SLC35D2: variants seen among roughly 807,000 people sequenced by gnomAD.
SLC35D2 encodes the protein solute carrier family 35 member D2.
A neutral mutation model predicts 41.8 loss-of-function variants in SLC35D2; 43 were observed. The ratio of observed to expected loss-of-function variants is 1.03; its 90% CI spans 0.81 to 1.33. The LOEUF is 1.33. Among genes scored for constraint, SLC35D2 ranks in the 40% most tolerant of loss-of-function variants. The pLI is 0.00. For missense variants in SLC35D2, 380 were observed against 408.4 expected (o/e 0.93, Z 0.60); for synonymous variants, 150 against 163.9 (o/e 0.92, Z 0.65).
chr9:96,358,279 C>T (rs1830123420), intron 4 of SLC35D2, among the ~76,000 whole-genome samples: 1 of 151,266 alleles, frequency 6.6e-6, no homozygotes, highest in African/African-American at 2.4e-5. Context: ...TTGTAGAGAC[C>T]TAAACGTAAA....
intron 2 of SLC35D2, among the ~76,000 whole-genome samples, chr9:96,365,808 T>C (rs868623458): frequency 6.6e-6 from 1 of 152,216 alleles, no homozygotes; most frequent in South Asian, 2.1e-4. Context: ...TTTAATGTCA[T>C]CTTTCATGCA....
chr9:96,364,742 C>G (rs189597033), intron 2 of SLC35D2, among the ~76,000 whole-genome samples, 192 bp from the exon 3 acceptor site: 1 of 152,072 alleles, frequency 6.6e-6, no homozygotes, highest in African/African-American at 2.4e-5. Flanking sequence ...CAGATTCCAT[C>G]AGAACTCCAG....
At chr9:96,343,015 C>T (rs535228396) in intron 8 of SLC35D2, among the ~76,000 whole-genome samples, 3 of 152,326 alleles carry the variant, frequency 2.0e-5, no homozygotes, top group East Asian at 1.9e-4. Flanking sequence ...TGTCCGGAGT[C>T]GAGTCTGTGG....
At chr9:96,319,326 G>T (rs1346463061), downstream of SLC35D2, among the ~76,000 whole-genome samples, 2 of 152,128 alleles carry the variant, frequency 1.3e-5, no homozygotes, top group African/African-American at 4.8e-5. Flanking sequence ...AATGGGGGTT[G>T]CCAGGGGCCG....
At chr9:96,315,766 A>T (rs893870090), downstream of SLC35D2, among the ~76,000 whole-genome samples, 2 of 152,008 alleles carry the variant, frequency 1.3e-5, no homozygotes, top group African/African-American at 4.8e-5. Context: ...CATGGACCAC[A>T]ATGGCAGTCT....
rs974934557 is a variant in SLC35D2 at position 96,355,964 on chromosome 9, T to C, written c.348-3855A>G. 1.2e-4 allele frequency among the ~76,000 whole-genome samples: 19 copies of C among 152,356 alleles called. 1 individual carries two copies. In the South Asian group the frequency reaches 3.9e-3, roughly 32 times the overall value. ...GCTACAGTTTGGATATCTGACCCTT[T>C]ATGCCTCATGTTAAAATTGGATCCC... On this transcript the variant is annotated intron_variant, in intron 4 of 11. Coordinates refer to ENST00000253270, the MANE Select transcript of SLC35D2 (RefSeq NM_007001.3).
chr9:96,334,458 T>C (rs368524855), intron 9 of SLC35D2, among the ~76,000 whole-genome samples: 47 of 152,166 alleles, frequency 3.1e-4, no homozygotes, highest in African/African-American at 1.1e-3. Context: ...GCCAACATGA[T>C]GAAACTCCGT....
rs758241318 is a variant in SLC35D2 at position 96,364,527 on chromosome 9, T to C, written c.216A>G (p.Leu72=). ...IGQMAATIMI[L]YVSKLNKIIH... is the part of the protein sequence containing the mutation. ...TGATTTTGTTTAGCTTGGACACATA[T>C]AGTATCATTATGGTGGCTGCCATCT... The change falls in exon 3 of 12, where the codon CTA becomes CTG. Residue 72 remains leucine, a synonymous_variant. Coordinates refer to ENST00000253270, the MANE Select transcript of SLC35D2 (RefSeq NM_007001.3). 3.7e-6 allele frequency: 6 copies of C among 1,605,214 alleles called. No individual in the cohort carries two copies. The highest frequency in any genetic ancestry group is 3.3e-5 in the Admixed American group (2 of 59,732).
At chr9:96,314,750 A>G (rs1828010950) in exon 12 of SLC35D2, 1 of 152,274 alleles carries the variant, frequency 6.6e-6, no homozygotes, top group Admixed American at 6.5e-5. Context: ...AAAATTACAA[A>G]TTAAATTTTT....
intron 9 of SLC35D2, among the ~76,000 whole-genome samples, chr9:96,325,486 C>T (rs760254216): frequency 2.6e-5 from 4 of 152,128 alleles, no homozygotes; most frequent in Non-Finnish European, 5.9e-5. Context: ...AGTTCGAGAC[C>T]AGCATGGCCA....
intron 8 of SLC35D2, among the ~76,000 whole-genome samples, chr9:96,342,307 C>G (rs972068465): frequency 2.6e-5 from 4 of 152,030 alleles, no homozygotes; most frequent in African/African-American, 9.7e-5. Flanking sequence ...ACTAAAAATA[C>G]TCTCTACAAA....
chr9:96,362,658 AATTATTCATTCAACTACAC>A (rs1282510295), intron 3 of SLC35D2, among the ~76,000 whole-genome samples: 2 of 152,170 alleles, frequency 1.3e-5, no homozygotes, highest in Non-Finnish European at 2.9e-5. Context: ...TTACAAGGGT[AATTATTCATTCAACTACAC>A]ATTCAAATAG....
intron 2 of SLC35D2, among the ~76,000 whole-genome samples, chr9:96,366,517 A>ATT (rs34820429): frequency 0.027 from 2,783 of 103,350 alleles, 93 homozygotes; most frequent in Middle Eastern, 0.1. Context: ...CTTATCACTG[A>ATT]TTTTTTTTTT....
intron 6 of SLC35D2, among the ~76,000 whole-genome samples, chr9:96,349,564 C>T (rs149580761): frequency 6.6e-6 from 1 of 151,606 alleles, no homozygotes; most frequent in Non-Finnish European, 1.5e-5. Flanking sequence ...CTCACTCTGT[C>T]GTCCAGGCTG....
At chr9:96,321,779 C>G (rs1324808513) in intron 11 of SLC35D2, among the ~76,000 whole-genome samples, 3 of 152,108 alleles carry the variant, frequency 2.0e-5, no homozygotes, top group African/African-American at 7.2e-5. Context: ...GAGTTAAATT[C>G]CGATCCCAGC....
At chr9:96,360,405 C>T (rs950400112) in intron 3 of SLC35D2, among the ~76,000 whole-genome samples, 184 bp from the exon 4 acceptor site, 1 of 151,802 alleles carries the variant, frequency 6.6e-6, no homozygotes, top group African/African-American at 2.4e-5. Context: ...CCAAGGTAGG[C>T]GGATCACGAG....
chr9:96,336,959 T>C (rs187272891), intron 8 of SLC35D2, among the ~76,000 whole-genome samples, 175 bp from the exon 9 acceptor site: 2 of 152,308 alleles, frequency 1.3e-5, no homozygotes, highest in South Asian at 2.1e-4. Flanking sequence ...TTTTCTTCCC[T>C]GAACTTCAGA....
chr9:96,369,899 G>T (rs1420972289), intron 1 of SLC35D2, among the ~76,000 whole-genome samples: 1 of 152,146 alleles, frequency 6.6e-6, no homozygotes, highest in African/African-American at 2.4e-5. Context: ...AGTCTAAGAA[G>T]AGAATAAAGA....
At chr9:96,372,828 C>T (rs570319750) in intron 1 of SLC35D2, among the ~76,000 whole-genome samples, 407 of 150,988 alleles carry the variant, frequency 2.7e-3, no homozygotes, top group African/African-American at 9.2e-3. Context: ...TCAGGTGATC[C>T]GCCCACCTCT....
Sources: allele counts gnomAD v4.1 joint callset (sites outside exome capture counted in the v4.1 genomes callset), GRCh38; gene constraint gnomAD v4.1.1; transcripts MANE v1.5; gene names NCBI Gene and HGNC (gene_info 2026-07-23, HGNC 2026-07-21).